Variants in IL1RAPL2 observed in about 807,000 individuals in gnomAD.
IL1RAPL2 encodes the protein X-linked interleukin-1 receptor accessory protein-like 2.
IL1RAPL2 carries 3 observed loss-of-function variants against 44.1 expected under a neutral mutation model. The ratio of observed to expected loss-of-function variants is 0.07; its 90% CI spans 0.03 to 0.18. IL1RAPL2 has a LOEUF of 0.18. IL1RAPL2 is among the 10% of genes least tolerant of loss of function. IL1RAPL2 has a pLI of 1.00. For synonymous variants in IL1RAPL2, 181 were observed against 178.8 expected (o/e 1.01, Z -0.10); for missense variants, 391 against 496.4 (o/e 0.79, Z 2.02).
intron 1 of IL1RAPL2, among the ~76,000 whole-genome samples, chrX:104,571,901 C>T (rs1164860215): frequency 2.7e-5 from 3 of 111,625 alleles, no homozygotes; most frequent in Admixed American, 1.9e-4. Flanking sequence ...ATCAGTTGGC[C>T]TGCTGAAATT....
chrX:104,628,188 G>C (rs1364633037), intron 1 of IL1RAPL2, among the ~76,000 whole-genome samples: 1 of 110,958 alleles, frequency 9.0e-6, no homozygotes. Flanking sequence ...TCTCTGTGTT[G>C]GGAACATTTC....
chrX:105,328,307 A>G (rs1339121218), intron 5 of IL1RAPL2, among the ~76,000 whole-genome samples: 1 of 111,635 alleles, frequency 9.0e-6, no homozygotes, highest in Non-Finnish European at 1.9e-5. Context: ...AAGCCATGGG[A>G]GAACCTTACC....
intron 2 of IL1RAPL2, among the ~76,000 whole-genome samples, chrX:105,167,539 C>T (rs192691203): frequency 0.013 from 1,422 of 111,179 alleles, 25 homozygotes; most frequent in African/African-American, 0.044. Flanking sequence ...GATGACTCCC[C>T]GCCATTCCCA....
chrX:104,887,381 C>T (rs1923280042), intron 2 of IL1RAPL2, among the ~76,000 whole-genome samples: 2 of 112,274 alleles, frequency 1.8e-5, no homozygotes, highest in African/African-American at 6.5e-5. Context: ...TACTTAGACT[C>T]GTGGGACAAC....
intron 2 of IL1RAPL2, among the ~76,000 whole-genome samples, chrX:104,949,690 C>T (rs1925513014): frequency 9.1e-6 from 1 of 110,491 alleles, no homozygotes. Flanking sequence ...AGTAGTCATT[C>T]AGGAGCAGGT....
chrX:105,226,541 G>A (rs1556189211), intron 3 of IL1RAPL2, among the ~76,000 whole-genome samples: 1 of 107,453 alleles, frequency 9.3e-6, no homozygotes, highest in Non-Finnish European at 1.9e-5. Flanking sequence ...GGGATTACAA[G>A]AGCATACCAC....
chrX:104,635,931 G>A (rs1199550369), intron 1 of IL1RAPL2, among the ~76,000 whole-genome samples: 1 of 111,815 alleles, frequency 8.9e-6, no homozygotes, highest in East Asian at 2.8e-4. Flanking sequence ...GATTTTTAGA[G>A]TTTCCAGTTT....
intron 6 of IL1RAPL2, among the ~76,000 whole-genome samples, chrX:105,495,054 A>G (rs987465805): frequency 8.9e-6 from 1 of 112,666 alleles, no homozygotes; most frequent in Non-Finnish European, 1.9e-5. Flanking sequence ...GGAAAAGTCA[A>G]AGGCTGAAAG....
chrX:104,628,900 T>A (rs1929575491), intron 1 of IL1RAPL2, among the ~76,000 whole-genome samples: 1 of 112,051 alleles, frequency 8.9e-6, no homozygotes, highest in South Asian at 3.7e-4. Flanking sequence ...ATGGTGAAAA[T>A]CTGGTAACAG....
chrX:104,922,201 T>A (rs1465475885), intron 2 of IL1RAPL2, among the ~76,000 whole-genome samples: 1 of 112,275 alleles, frequency 8.9e-6, no homozygotes, highest in African/African-American at 3.2e-5. Context: ...ACCCTAGTAC[T>A]TCCCCCATCA....
intron 2 of IL1RAPL2, among the ~76,000 whole-genome samples, chrX:105,076,383 T>C (rs369357285): frequency 8.9e-6 from 1 of 112,057 alleles, no homozygotes; most frequent in African/African-American, 3.2e-5. Flanking sequence ...TGAGTTCTAG[T>C]TTGATTGCAC....
intron 2 of IL1RAPL2, among the ~76,000 whole-genome samples, chrX:105,097,220 G>A (rs2032614944): frequency 9.3e-6 from 1 of 107,523 alleles, no homozygotes; most frequent in African/African-American, 3.4e-5. Context: ...CCCAGCTACC[G>A]GGAGGCTGAG....
intron 5 of IL1RAPL2, among the ~76,000 whole-genome samples, chrX:105,271,883 T>C (rs1432996159): frequency 9.3e-6 from 1 of 107,995 alleles, no homozygotes; most frequent in Non-Finnish European, 1.9e-5. Context: ...TTTTGTACAT[T>C]GATTTTGTAT....
intron 8 of IL1RAPL2, among the ~76,000 whole-genome samples, chrX:105,745,930 GC>G (rs906143689): frequency 2.7e-5 from 3 of 111,836 alleles, no homozygotes; most frequent in Non-Finnish European, 5.6e-5. Flanking sequence ...CGACCCTCCT[GC>G]CCCGGCCTCC....
At chrX:104,950,715 GT>G (rs36104046) in intron 2 of IL1RAPL2, among the ~76,000 whole-genome samples, 3 of 99,101 alleles carry the variant, frequency 3.0e-5, no homozygotes, top group Admixed American at 1.1e-4. Context: ...TTTTGTTTTT[GT>G]TTTTTTTTTT....
intron 2 of IL1RAPL2, among the ~76,000 whole-genome samples, chrX:104,893,410 G>C (rs947448704): frequency 1.8e-5 from 2 of 111,205 alleles, no homozygotes; most frequent in African/African-American, 3.3e-5. Context: ...CATTATTATT[G>C]TGTGGGAGTC....
chrX:104,792,315 G>A lies in IL1RAPL2; in HGVS notation c.82+133320G>A, dbSNP rs918488675. Among the ~76,000 whole-genome samples, 3 of 110,890 alleles carry A rather than the reference G, an allele frequency of 2.7e-5. No individual in the cohort carries two copies. In the Admixed American group the frequency reaches 2.9e-4, roughly 11 times the overall value. On this transcript the variant is annotated intron_variant, in intron 2 of 10. Coordinates refer to ENST00000372582, the MANE Select transcript of IL1RAPL2 (RefSeq NM_017416.2). ...CCCAAAGTAACATATCTAATTAGTA[G>A]CAAGGGCAGGATAGACCCCAGATCG... is the stretch of plus-strand genomic sequence containing the variant.
intron 5 of IL1RAPL2, among the ~76,000 whole-genome samples, chrX:105,479,099 A>G (rs1179498564): frequency 9.0e-6 from 1 of 111,416 alleles, no homozygotes; most frequent in Non-Finnish European, 1.9e-5. Context: ...AGACTTAAAC[A>G]AGTTTTTGGA....
At chrX:105,290,657 GAAGCAAAT>G (rs1204523604) in intron 5 of IL1RAPL2, among the ~76,000 whole-genome samples, 6 of 111,397 alleles carry the variant, frequency 5.4e-5, no homozygotes, top group Non-Finnish European at 1.1e-4. Flanking sequence ...AAGAAGGAGT[GAAGCAAAT>G]AACTTCTTTA....
Sources: allele counts gnomAD v4.1 joint callset (sites outside exome capture counted in the v4.1 genomes callset), GRCh38; gene constraint gnomAD v4.1.1; transcripts MANE v1.5; gene names NCBI Gene and HGNC (gene_info 2026-07-23, HGNC 2026-07-21).